The following RASGEF1C variants were observed in gnomAD, a reference collection of about 807,000 sequenced individuals.
RASGEF1C encodes ras-GEF domain-containing family member 1C.
Under a neutral mutation model 58.1 loss-of-function variants are expected in RASGEF1C, and 27 were observed. The observed-to-expected ratio is 0.46, with a 90% CI of 0.34 to 0.64. The LOEUF is 0.64. Ranked by LOEUF, RASGEF1C falls within the 30% of genes least tolerant of loss-of-function variation. The pLI is 0.01. For synonymous variants in RASGEF1C, 243 were observed against 246.3 expected, an observed-to-expected ratio of 0.99 and a Z score of 0.13; for missense variants, 502 against 605.1, an observed-to-expected ratio of 0.83 and a Z score of 1.79.
intron 1 of RASGEF1C, among the ~76,000 whole-genome samples, chr5:180,170,526 C>T (rs988451657): frequency 2.0e-5 from 3 of 152,174 alleles, no homozygotes; most frequent in East Asian, 1.9e-4. Context: ...CCCCGCGCTA[C>T]GCAGCTGCTG....
chr5:180,209,104 GCGCCGCCCGCCGCCGCCGC>G lies in RASGEF1C; in HGVS notation c.-102_-84del, dbSNP rs1189035916. 7.3e-6 allele frequency: 1 copy of G among 137,808 alleles called. No individual in the cohort carries two copies. The highest frequency in any genetic ancestry group is 1.6e-5 in the Non-Finnish European group (1 of 63,620). The allele number at this position is 137,808 out of a possible 1,614,324, so 8.5% of individuals were successfully genotyped here. A position where few individuals can be genotyped will look rare whatever the true frequency, so the allele number is the denominator to read the frequency against. On this transcript the variant is annotated 5_prime_UTR_variant, in exon 1 of 14. Coordinates refer to ENST00000361132, the MANE Select transcript of RASGEF1C (RefSeq NM_175062.4). The stretch of plus-strand genomic sequence containing the variant: ...GCGAGCCTCGGCGCCGCGGACCGGG[GCGCCGCCCGCCGCCGCCGC>G]CGCCGCCGCCGCCGCCGCCGCCGCC...
rs1467541405 is a variant in RASGEF1C at position 180,137,737 on chromosome 5, C to T, written c.178-25G>A. On this transcript the variant is annotated intron_variant, in intron 2 of 13. Coordinates refer to ENST00000361132, the MANE Select transcript of RASGEF1C (RefSeq NM_175062.4). The surrounding 1 kb of genome is among the most constrained non-coding windows in gnomAD (Gnocchi z 4.1). The stretch of plus-strand genomic sequence containing the variant: ...TCTGGGGGACACACGAGAAAGAGGG[C>T]ACAGGCTCAGGAGGGCACCAGGAGG... 1 of 1,612,186 alleles carries T rather than the reference C, an allele frequency of 6.2e-7. No homozygotes were observed. The highest frequency in any genetic ancestry group is 1.1e-5 in the South Asian group (1 of 90,892).
chr5:180,208,399 GT>G (rs1304307319), intron 1 of RASGEF1C, among the ~76,000 whole-genome samples: 2 of 152,084 alleles, frequency 1.3e-5, no homozygotes, highest in Non-Finnish European at 2.9e-5. Context: ...CCTTCCCCAA[GT>G]CCCCCCAAGC....
At chr5:180,173,674 G>T (rs943724218) in intron 1 of RASGEF1C, among the ~76,000 whole-genome samples, 11 of 151,446 alleles carry the variant, frequency 7.3e-5, no homozygotes, top group Non-Finnish European at 1.3e-4. Flanking sequence ...CAGCACTTTG[G>T]GAGGCCAAGG....
chr5:180,138,872 T>C (rs1466076374), intron 1 of RASGEF1C, among the ~76,000 whole-genome samples: 1 of 152,014 alleles, frequency 6.6e-6, no homozygotes, highest in African/African-American at 2.4e-5. Context: ...CCATCTTCAC[T>C]CCCCTATCCC....
In RASGEF1C at chr5:180,148,999, GT is replaced by G. The variant is rs200837316; in HGVS notation, c.-6-10942del. Among the ~76,000 whole-genome samples the G allele has an allele frequency of 7.3e-3, 1,112 of 151,380 alleles. 19 individuals are homozygous for G. The highest frequency in any genetic ancestry group is 0.025 in the African/African-American group (1,037 of 41,218). Reference sequence around the variant, plus strand: ...CATACATAGGATTCTTGGTTGACAGGTTTTTTTACTTTCAGCATTTTGAATA... The same window carrying G: ...CATACATAGGATTCTTGGTTGACAGGTTTTTTACTTTCAGCATTTTGAATA... On this transcript the variant is annotated intron_variant, in intron 1 of 13. Coordinates refer to ENST00000361132, the MANE Select transcript of RASGEF1C (RefSeq NM_175062.4).
In RASGEF1C at chr5:180,137,733, A is replaced by T. The variant is rs761120118; in HGVS notation, c.178-21T>A. On this transcript the variant is annotated intron_variant, in intron 2 of 13. Transcript: ENST00000361132. The surrounding 1 kb of genome is among the most constrained non-coding windows in gnomAD (Gnocchi z 4.1). ...GCTTTCTGGGGGACACACGAGAAAGAGGGCACAGGCTCAGGAGGGCACCAG... is the reference window on the plus strand; with the variant it reads ...GCTTTCTGGGGGACACACGAGAAAGTGGGCACAGGCTCAGGAGGGCACCAG... The T allele has an allele frequency of 1.9e-6, 3 of 1,612,616 alleles. No individual in the cohort carries two copies. The South Asian group carries it at 3.3e-5, about 18-fold the overall frequency.
chr5:180,178,531 C>T (rs1002826227), intron 1 of RASGEF1C, among the ~76,000 whole-genome samples: 1 of 152,056 alleles, frequency 6.6e-6, no homozygotes, highest in African/African-American at 2.4e-5. Flanking sequence ...CTGCCCGCCT[C>T]AGCCCCCCAA....
intron 3 of RASGEF1C, chr5:180,136,896 C>T (rs1052304635): frequency 3.2e-5 from 7 of 216,506 alleles, no homozygotes; most frequent in African/African-American, 7.0e-5. Flanking sequence ...CAGGTGGCCA[C>T]GTGACCTAGG....
intron 6 of RASGEF1C, among the ~76,000 whole-genome samples, chr5:180,125,789 A>T (rs1217631047): frequency 6.6e-6 from 1 of 152,096 alleles, no homozygotes; most frequent in Non-Finnish European, 1.5e-5. Flanking sequence ...TCCATCTCAA[A>T]AAAAAAAAGC....
At chr5:180,111,390 T>C in intron 12 of RASGEF1C, 67 bp downstream of exon 12, 2 of 1,608,814 alleles carry the variant, frequency 1.2e-6, no homozygotes, top group Non-Finnish European at 1.7e-6. Context: ...GGGTCCTGAA[T>C]GGTGACTGAG....
intron 12 of RASGEF1C, among the ~76,000 whole-genome samples, 195 bp from the exon 13 acceptor site, chr5:180,102,338 G>T (rs958824386): frequency 4.0e-5 from 6 of 151,896 alleles, no homozygotes; most frequent in African/African-American, 1.5e-4. Flanking sequence ...TTTTGCTTTT[G>T]TGTGAAACTC....
chr5:180,171,193 A>G (rs1449795617), intron 1 of RASGEF1C, among the ~76,000 whole-genome samples: 1 of 151,870 alleles, frequency 6.6e-6, no homozygotes, highest in Non-Finnish European at 1.5e-5. Context: ...AGGGAGGAAA[A>G]CCATTCTCAG....
rs1375231969 is a variant in RASGEF1C at position 180,197,117 on chromosome 5, C to T, written c.-7+11911G>A. On this transcript the variant is annotated intron_variant, in intron 1 of 13. Coordinates refer to ENST00000361132, the MANE Select transcript of RASGEF1C (RefSeq NM_175062.4). This position sits in a 1 kb window ranked among gnomAD's most constrained non-coding sequence, Gnocchi z 4.7. ...GGCCAGCCTGCCTCTGATGAGCCTC[C>T]TTGGTCCCTCTGCAGCACGATCCCC... Among the ~76,000 whole-genome samples, 1 of 152,150 alleles carries T rather than the reference C, an allele frequency of 6.6e-6. No individual in the cohort carries two copies. Among genetic ancestry groups the T allele is most frequent in the Non-Finnish European group, 1.5e-5 (1 of 67,990 alleles).
At position 180,177,379 on chromosome 5, in the gene RASGEF1C, G is replaced by A. The variant is rs1452361319; in HGVS notation, c.-7+31649C>T. Among the ~76,000 whole-genome samples the A allele has an allele frequency of 6.6e-6, 1 of 152,170 alleles. No homozygotes were observed. The highest frequency in any genetic ancestry group is 1.5e-5 in the Non-Finnish European group (1 of 68,040). On this transcript the variant is annotated intron_variant, in intron 1 of 13. Transcript: ENST00000361132. This position sits in a 1 kb window ranked among gnomAD's most constrained non-coding sequence, Gnocchi z 5.0. ...TCGGCTCCATTTTTAACCTTCCTTAGTCCCAGCAGCCCCAGCAAAAGCTCT... is the reference window on the plus strand; with the variant it reads ...TCGGCTCCATTTTTAACCTTCCTTAATCCCAGCAGCCCCAGCAAAAGCTCT...
At chr5:180,157,366 A>G (rs1412230948) in intron 1 of RASGEF1C, among the ~76,000 whole-genome samples, 1 of 152,200 alleles carries the variant, frequency 6.6e-6, no homozygotes, top group East Asian at 1.9e-4. Context: ...TCACGCCTGT[A>G]ATCCCAGCAC....
chr5:180,192,915 T>G (rs1212921282), intron 1 of RASGEF1C, among the ~76,000 whole-genome samples: 1 of 143,344 alleles, frequency 7.0e-6, no homozygotes, highest in African/African-American at 2.6e-5. Context: ...CAGCTAATTT[T>G]TTGTATTTTT....
chr5:180,192,231 C>T (rs1756176218), intron 1 of RASGEF1C, among the ~76,000 whole-genome samples: 3 of 152,208 alleles, frequency 2.0e-5, no homozygotes, highest in Middle Eastern at 6.8e-3. Flanking sequence ...CCTAACAGGG[C>T]GGGAATCTTG....
At chr5:180,208,064 G>A (rs1756521256) in intron 1 of RASGEF1C, among the ~76,000 whole-genome samples, 2 of 152,154 alleles carry the variant, frequency 1.3e-5, no homozygotes, top group South Asian at 2.1e-4. Flanking sequence ...GCCAGTGAGT[G>A]GACAACCCTA....
Sources: gnomAD v4.1 joint callset for allele counts (sites outside exome capture counted in the v4.1 genomes callset) on GRCh38, gnomAD v4.1.1 for gene constraint, Gnocchi (gnomAD v3.1) non-coding constraint, MANE v1.5 for transcripts, NCBI Gene and HGNC (gene_info 2026-07-23, HGNC 2026-07-21) for gene names.